The following SLC15A2 variants were observed in gnomAD, a reference collection of about 807,000 sequenced individuals.
The protein encoded by SLC15A2 is solute carrier family 15 member 2.
SLC15A2 carries 77 observed loss-of-function variants against 95.5 expected under a neutral mutation model. The observed-to-expected ratio is 0.81, with a 90% CI of 0.67 to 0.97. The LOEUF (loss-of-function observed/expected upper bound fraction) is 0.97. Ranked by LOEUF, SLC15A2 falls within the 50% of genes least tolerant of loss-of-function variation. The pLI is 0.00. For missense variants in SLC15A2, 893 were observed against 874.4 expected (o/e 1.02, Z -0.27); for synonymous variants, 306 against 306.9 (o/e 1.00, Z 0.03).
chr3:121,936,926 C>T (rs1157144060), intron 19 of SLC15A2, among the ~76,000 whole-genome samples: 4 of 150,428 alleles, frequency 2.7e-5, no homozygotes, highest in Non-Finnish European at 4.4e-5. Flanking sequence ...CCATGTTTAG[C>T]ACTTCCTTCA....
chr3:121,912,894 C>T (rs571312029), intron 4 of SLC15A2, 127 bp from the exon 5 acceptor site: 5 of 647,886 alleles, frequency 7.7e-6, no homozygotes, highest in African/African-American at 3.6e-5. Context: ...GGAAAGTACC[C>T]ATGGGGTAGA....
intron 3 of SLC15A2, among the ~76,000 whole-genome samples, chr3:121,907,156 G>C (rs1314332283): frequency 6.6e-6 from 1 of 152,058 alleles, no homozygotes; most frequent in Non-Finnish European, 1.5e-5. Flanking sequence ...ATTGAAGCTT[G>C]TGCATGCATC....
chr3:121,911,152 T>A (rs146547412), intron 3 of SLC15A2, among the ~76,000 whole-genome samples: 113 of 152,320 alleles, frequency 7.4e-4, no homozygotes, highest in African/African-American at 2.5e-3. Context: ...GCAGAAGATA[T>A]TCCTTGAGAA....
rs998165928 is a variant in SLC15A2, at chr3:121,942,381, T to C, written c.*1374T>C. Reference sequence around the variant, plus strand: ...ACTGTTCTAGAGAGCTTCATTTCCATTGGTTTTAAAACATTATTCTCATGT... The same window carrying C: ...ACTGTTCTAGAGAGCTTCATTTCCACTGGTTTTAAAACATTATTCTCATGT... On this transcript the variant is annotated 3_prime_UTR_variant, in exon 22 of 22. Coordinates refer to ENST00000489711, the MANE Select transcript of SLC15A2 (RefSeq NM_021082.4). 4 of 152,218 alleles carry C rather than the reference T, an allele frequency of 2.6e-5. No homozygotes were observed. Among genetic ancestry groups the C allele is most frequent in the African/African-American group, 2.4e-5 (1 of 41,452 alleles). 9.4% of individuals were successfully genotyped at this position (152,218 alleles called of 1,614,324 possible).
intron 5 of SLC15A2, among the ~76,000 whole-genome samples, chr3:121,914,013 T>TTA (rs547091279): frequency 2.6e-5 from 4 of 151,974 alleles, no homozygotes; most frequent in East Asian, 1.9e-4. Context: ...TAATGCCTAT[T>TTA]ATCTCCTTCT....
chr3:121,921,725 AGTT>A (rs1452276328), intron 7 of SLC15A2, among the ~76,000 whole-genome samples: 5 of 151,648 alleles, frequency 3.3e-5, no homozygotes, highest in Non-Finnish European at 7.3e-5. Context: ...ATGAGAAACT[AGTT>A]GGTGGCCATT....
Position 121,941,733 on chromosome 3 carries a change from G to A in SLC15A2, c.*726G>A, listed in dbSNP as rs1377025945. On this transcript the variant is annotated 3_prime_UTR_variant, in exon 22 of 22. Transcript: ENST00000489711. Reference sequence around the variant, plus strand: ...TAGTAAACATTGTTCTGGAGAACAGGAACAGGTGTAAGTTGTAGAAATCCT... The same window carrying A: ...TAGTAAACATTGTTCTGGAGAACAGAAACAGGTGTAAGTTGTAGAAATCCT... The A allele has an allele frequency of 2.0e-5, 3 of 152,318 alleles. No individual in the cohort carries two copies. The East Asian group carries it at 5.8e-4, about 29-fold the overall frequency. 9.4% of individuals were successfully genotyped at this position (152,318 alleles called of 1,614,324 possible).
At chr3:121,929,266 T>G in intron 16 of SLC15A2, 36 bp from the exon 17 acceptor site, 9 of 1,611,922 alleles carry the variant, frequency 5.6e-6, no homozygotes, top group Non-Finnish European at 7.6e-6. Flanking sequence ...TCTTATTTCA[T>G]CAGCTGTTAC....
intron 19 of SLC15A2, among the ~76,000 whole-genome samples, chr3:121,934,660 G>T (rs1263384035): frequency 7.9e-5 from 12 of 152,114 alleles, no homozygotes; most frequent in African/African-American, 1.4e-4. Context: ...AAGGAGATTT[G>T]GGGCTGAGAC....
chr3:121,928,671 C>A, intron 15 of SLC15A2, 116 bp downstream of exon 15: 1 of 1,218,666 alleles, frequency 8.2e-7, no homozygotes, highest in Non-Finnish European at 1.1e-6. Context: ...TCTTTGAGCA[C>A]ATGATTTTAA....
In SLC15A2 at chr3:121,924,955, C is replaced by G. The variant is rs767157479; in HGVS notation, c.1046C>G (p.Pro349Arg). The G allele has an allele frequency of 6.2e-7, 1 of 1,609,930 alleles. No individual in the cohort carries two copies. Among genetic ancestry groups the G allele is most frequent in the East Asian group, 2.2e-5 (1 of 44,818 alleles). ...LQPDQMQVLN[P>R]LLVLIFIPLF... The stretch of plus-strand genomic sequence containing the variant: ...ATCATGGTGTTACAGGTTCTAAATC[C>G]CCTTCTGGTTCTTATCTTCATCCCG... The change falls in exon 13 of 22, where the codon CCC becomes CGC. Residue 349 changes from proline to arginine, a missense_variant. Transcript: ENST00000489711.
intron 12 of SLC15A2, 73 bp downstream of exon 12, chr3:121,924,456 T>A (rs2257115): frequency 0.45 from 571,679 of 1,280,586 alleles, 132,329 homozygotes; most frequent in East Asian, 0.72. Flanking sequence ...GTATTACGAT[T>A]AACAACCATA....
At chr3:121,938,521 G>A (rs1370754001) in intron 19 of SLC15A2, among the ~76,000 whole-genome samples, 4 of 152,314 alleles carry the variant, frequency 2.6e-5, no homozygotes, top group East Asian at 1.9e-4. Context: ...GGAGTGACCC[G>A]ATTTTCCAGG....
At chr3:121,920,680 G>C (rs1369920962) in intron 7 of SLC15A2, among the ~76,000 whole-genome samples, 3 of 152,118 alleles carry the variant, frequency 2.0e-5, no homozygotes, top group Non-Finnish European at 4.4e-5. Flanking sequence ...CCATGAGAAG[G>C]GTATTATAGA....
chr3:121,898,352 A>G (rs1709460862), intron 3 of SLC15A2, among the ~76,000 whole-genome samples: 1 of 151,902 alleles, frequency 6.6e-6, no homozygotes, highest in South Asian at 2.1e-4. Context: ...TAATATTTTC[A>G]TGAGTTAGAC....
intron 3 of SLC15A2, among the ~76,000 whole-genome samples, chr3:121,903,986 G>T (rs1281097906): frequency 6.6e-6 from 1 of 152,172 alleles, no homozygotes; most frequent in Admixed American, 6.5e-5. Flanking sequence ...CCATGAGCAT[G>T]GAATGTTCTT....
chr3:121,940,008 G>A (rs1450304880), intron 20 of SLC15A2, among the ~76,000 whole-genome samples: 4 of 152,094 alleles, frequency 2.6e-5, no homozygotes, highest in African/African-American at 9.7e-5. Flanking sequence ...GTTTCACCAT[G>A]TTGGCCAGGC....
intron 3 of SLC15A2, 44 bp downstream of exon 3, chr3:121,897,573 G>A: frequency 1.2e-6 from 2 of 1,606,526 alleles, no homozygotes; most frequent in Non-Finnish European, 1.7e-6. Context: ...TTCACAGGTT[G>A]TGCAGAAGGC....
intron 3 of SLC15A2, among the ~76,000 whole-genome samples, chr3:121,899,363 C>T (rs1289314152): frequency 6.6e-6 from 1 of 152,170 alleles, no homozygotes; most frequent in African/African-American, 2.4e-5. Flanking sequence ...ACCTAGATCA[C>T]TCTCCCTAGG....
Sources: allele counts gnomAD v4.1 joint callset (sites outside exome capture counted in the v4.1 genomes callset), GRCh38; gene constraint gnomAD v4.1.1; transcripts MANE v1.5; gene names NCBI Gene and HGNC (gene_info 2026-07-23, HGNC 2026-07-21).